ELMO1: variants seen among roughly 807,000 people sequenced by gnomAD.
ELMO1 encodes the protein engulfment and cell motility protein 1.
In ELMO1, 26 loss-of-function variants were observed where a neutral mutation model predicts 98.9. That is an observed-to-expected ratio of 0.26 (90% CI 0.19 to 0.36). The LOEUF is 0.36. Ranked by LOEUF, ELMO1 falls within the 10% of genes least tolerant of loss-of-function variation. The pLI, the probability that ELMO1 is intolerant of heterozygous loss-of-function variation, is 1.00. For missense variants in ELMO1, 627 were observed against 935.2 expected (o/e 0.67, Z 4.30); for synonymous variants, 346 against 346.0 (o/e 1.00, Z 0.00).
intron 4 of ELMO1, among the ~76,000 whole-genome samples, chr7:37,294,714 C>T (rs1361109472): frequency 6.6e-6 from 1 of 152,178 alleles, no homozygotes; most frequent in East Asian, 1.9e-4. Flanking sequence ...ATAAATTCAT[C>T]TCAGGCCAGG....
intron 13 of ELMO1, among the ~76,000 whole-genome samples, chr7:37,183,960 T>G (rs1008322146): frequency 6.6e-6 from 1 of 152,240 alleles, no homozygotes; most frequent in African/African-American, 2.4e-5. Flanking sequence ...CTTCCTACTG[T>G]TTTCCATTTC....
chr7:36,920,271 C>T (rs1221584144), intron 16 of ELMO1, among the ~76,000 whole-genome samples: 1 of 152,236 alleles, frequency 6.6e-6, no homozygotes, highest in Non-Finnish European at 1.5e-5. Context: ...CTTCTCATCT[C>T]TGAATGAGAT....
chr7:37,320,991 AT>A (rs1264492726), intron 2 of ELMO1, among the ~76,000 whole-genome samples: 2 of 152,228 alleles, frequency 1.3e-5, no homozygotes, highest in African/African-American at 4.8e-5. Context: ...GAATTAGGCA[AT>A]TCATGGCTTG....
intron 15 of ELMO1, among the ~76,000 whole-genome samples, chr7:37,092,694 A>C (rs936630406): frequency 2.6e-5 from 4 of 152,012 alleles, no homozygotes; most frequent in African/African-American, 9.7e-5. Flanking sequence ...CTCATCTTCT[A>C]ACTAGGACAA....
chr7:37,243,040 C>T (rs937221587), intron 7 of ELMO1, among the ~76,000 whole-genome samples: 5 of 151,996 alleles, frequency 3.3e-5, no homozygotes, highest in Non-Finnish European at 5.9e-5. Context: ...ATATTTTGTC[C>T]GGATTTCATA....
intron 13 of ELMO1, among the ~76,000 whole-genome samples, chr7:37,186,329 A>G (rs1413608476): frequency 2.0e-5 from 3 of 152,184 alleles, no homozygotes; most frequent in Non-Finnish European, 4.4e-5. Flanking sequence ...AGAACTAAAT[A>G]TAAGGGTGAA....
intron 14 of ELMO1, among the ~76,000 whole-genome samples, chr7:37,102,855 G>T (rs116029727): frequency 6.6e-6 from 1 of 152,132 alleles, no homozygotes; most frequent in South Asian, 2.1e-4. Flanking sequence ...AAACAGAAAG[G>T]GTGAAATATT....
At chr7:37,375,248 GAA>G (rs528272744) in intron 1 of ELMO1, among the ~76,000 whole-genome samples, 4 of 152,162 alleles carry the variant, frequency 2.6e-5, no homozygotes, top group Non-Finnish European at 5.9e-5. Context: ...AAAAGAAAAA[GAA>G]AATATTTCTG....
chr7:37,373,378 G>A (rs533373668), intron 1 of ELMO1, among the ~76,000 whole-genome samples: 11 of 152,192 alleles, frequency 7.2e-5, no homozygotes, highest in South Asian at 4.1e-4. Context: ...AGCTTGAGGC[G>A]GGCAGATCAC....
chr7:37,187,444 T>C (rs1278092264), intron 13 of ELMO1, among the ~76,000 whole-genome samples: 1 of 152,224 alleles, frequency 6.6e-6, no homozygotes, highest in Non-Finnish European at 1.5e-5. Context: ...GTGAATTATA[T>C]GGTCTATAAA....
intron 4 of ELMO1, among the ~76,000 whole-genome samples, chr7:37,278,927 C>A (rs913350740): frequency 6.6e-6 from 1 of 152,102 alleles, no homozygotes; most frequent in African/African-American, 2.4e-5. Flanking sequence ...AGGGGCCAGG[C>A]GCGGTGGCTC....
chr7:37,378,098 C>T (rs562462631), intron 1 of ELMO1, among the ~76,000 whole-genome samples: 169 of 152,258 alleles, frequency 1.1e-3, no homozygotes, highest in African/African-American at 3.7e-3. Context: ...GAAGTACAAC[C>T]CAAGTTCAGA....
chr7:37,264,131 C>T (rs1796124871), intron 5 of ELMO1, among the ~76,000 whole-genome samples: 1 of 152,090 alleles, frequency 6.6e-6, no homozygotes, highest in Non-Finnish European at 1.5e-5. Flanking sequence ...AAGACGCAAA[C>T]ATATTTTATT....
Position 37,406,446 on chromosome 7 carries a change from A to G in ELMO1, c.-74+42229T>C, listed in dbSNP as rs200669743. Among the ~76,000 whole-genome samples, 3 of 145,416 alleles carry G rather than the reference A, an allele frequency of 2.1e-5. No individual in the cohort carries two copies. In the East Asian group the frequency reaches 6.3e-4, roughly 30 times the overall value. ...GGAAGTAAGAAAATTTTTTTTTTTT[A>G]TGAGACAGAGTCTTGCTCTGTCACC... is the stretch of plus-strand genomic sequence containing the variant. On this transcript the variant is annotated intron_variant, in intron 1 of 21. Coordinates refer to ENST00000310758, the MANE Select transcript of ELMO1 (RefSeq NM_014800.11).
chr7:37,311,586 G>T (rs1192115039), intron 4 of ELMO1, among the ~76,000 whole-genome samples: 1 of 152,124 alleles, frequency 6.6e-6, no homozygotes, highest in African/African-American at 2.4e-5. Context: ...GGAACTAGAT[G>T]GACAAAGCAG....
At chr7:36,923,782 GA>G (rs1267020577) in intron 16 of ELMO1, among the ~76,000 whole-genome samples, 1 of 152,172 alleles carries the variant, frequency 6.6e-6, no homozygotes, top group Non-Finnish European at 1.5e-5. Flanking sequence ...GTATTGGGCA[GA>G]AAAGTAGCAC....
intron 16 of ELMO1, among the ~76,000 whole-genome samples, chr7:36,896,680 GTT>G (rs59923094): frequency 0.86 from 129,933 of 151,368 alleles, 55,879 homozygotes; most frequent in East Asian, 1. Context: ...TTTTTTGTTT[GTT>G]TTTTTTTTTT....
At chr7:36,921,894 A>G (rs761055397) in intron 16 of ELMO1, among the ~76,000 whole-genome samples, 1 of 152,222 alleles carries the variant, frequency 6.6e-6, no homozygotes, top group Non-Finnish European at 1.5e-5. Context: ...AATACCTAAG[A>G]GTGGTAAGAC....
At chr7:37,432,249 G>A (rs1430622963) in intron 1 of ELMO1, among the ~76,000 whole-genome samples, 1 of 152,184 alleles carries the variant, frequency 6.6e-6, no homozygotes, top group East Asian at 1.9e-4. Flanking sequence ...TCAGCCTATG[G>A]ACATTTCTTA....
Sources: gnomAD v4.1 joint callset for allele counts (sites outside exome capture counted in the v4.1 genomes callset) on GRCh38, gnomAD v4.1.1 for gene constraint, MANE v1.5 for transcripts, NCBI Gene and HGNC (gene_info 2026-07-23, HGNC 2026-07-21) for gene names.